CAMKMT: variants seen among roughly 807,000 people sequenced by gnomAD.
The protein encoded by CAMKMT is CaM KMT.
CAMKMT carries 53 observed loss-of-function variants against 48.0 expected under a neutral mutation model. The observed-to-expected ratio is 1.10, with a 90% CI of 0.89 to 1.39. CAMKMT has a LOEUF of 1.39. CAMKMT is among the 40% of genes most tolerant of loss of function. The pLI is 0.00. For synonymous variants in CAMKMT, 165 were observed against 152.3 expected (o/e 1.08, Z -0.61); for missense variants, 428 against 402.7 (o/e 1.06, Z -0.54).
chr2:44,424,583 T>A (rs1224849799), intron 3 of CAMKMT, among the ~76,000 whole-genome samples: 7 of 152,182 alleles, frequency 4.6e-5, no homozygotes, highest in Non-Finnish European at 1.0e-4. Flanking sequence ...GGAATACTTC[T>A]CAGCCATAAA....
chr2:44,373,478 T>C (rs1452217372), intron 2 of CAMKMT, among the ~76,000 whole-genome samples: 1 of 152,226 alleles, frequency 6.6e-6, no homozygotes, highest in Non-Finnish European at 1.5e-5. Context: ...CTCACAGTTA[T>C]GTTCTAGCAT....
At chr2:44,471,375 A>T (rs754768540) in intron 3 of CAMKMT, among the ~76,000 whole-genome samples, 1 of 152,090 alleles carries the variant, frequency 6.6e-6, no homozygotes, top group African/African-American at 2.4e-5. Context: ...GGCACAGTGG[A>T]TCACTTGAGT....
chr2:44,647,980 A>G (rs1336726272), intron 3 of CAMKMT, among the ~76,000 whole-genome samples: 2 of 151,652 alleles, frequency 1.3e-5, no homozygotes, highest in Admixed American at 6.6e-5. Context: ...TCACTACACC[A>G]TTATCTGTAT....
chr2:44,649,921 C>T (rs1364377598), intron 3 of CAMKMT, among the ~76,000 whole-genome samples: 1 of 152,162 alleles, frequency 6.6e-6, no homozygotes, highest in Non-Finnish European at 1.5e-5. Flanking sequence ...TGGTGTCACG[C>T]AGCCACCATA....
intron 3 of CAMKMT, among the ~76,000 whole-genome samples, chr2:44,655,324 T>C (rs1443204144): frequency 2.0e-5 from 3 of 152,224 alleles, no homozygotes; most frequent in Admixed American, 6.5e-5. Context: ...TAAATGCTGG[T>C]ATTCTTCTAG....
At chr2:44,409,183 GTA>G (rs1257934167) in intron 3 of CAMKMT, among the ~76,000 whole-genome samples, 1 of 12,998 alleles carries the variant, frequency 7.7e-5, no homozygotes, top group Non-Finnish European at 1.6e-4. Context: ...ATATATATAT[GTA>G]TATTGCTACA....
intron 3 of CAMKMT, among the ~76,000 whole-genome samples, chr2:44,593,535 A>G (rs1243942487): frequency 6.6e-6 from 1 of 152,020 alleles, no homozygotes; most frequent in Non-Finnish European, 1.5e-5. Context: ...ACAGCCCGGA[A>G]TCTCTCTTAA....
chr2:44,496,206 T>G (rs1669745288), intron 3 of CAMKMT, among the ~76,000 whole-genome samples: 3 of 152,256 alleles, frequency 2.0e-5, no homozygotes, highest in African/African-American at 7.2e-5. Flanking sequence ...ATTATTGTAC[T>G]TTTCCTCTGG....
chr2:44,439,942 C>G (rs1317867089), intron 3 of CAMKMT, among the ~76,000 whole-genome samples: 1 of 151,774 alleles, frequency 6.6e-6, no homozygotes, highest in African/African-American at 2.4e-5. Context: ...GAATGAAACC[C>G]CTGAAGATAA....
chr2:44,649,861 G>A (rs1457826330), intron 3 of CAMKMT, among the ~76,000 whole-genome samples: 1 of 152,076 alleles, frequency 6.6e-6, no homozygotes, highest in African/African-American at 2.4e-5. Context: ...ATTTTATCAG[G>A]AAGGAAAGTC....
chr2:44,459,306 G>T (rs943039710), intron 3 of CAMKMT, among the ~76,000 whole-genome samples: 5 of 152,028 alleles, frequency 3.3e-5, no homozygotes, highest in Non-Finnish European at 7.4e-5. Context: ...TACCTCAAAT[G>T]CCTGATTATA....
intron 9 of CAMKMT, among the ~76,000 whole-genome samples, chr2:44,760,046 A>T (rs1475149617): frequency 2.0e-5 from 3 of 152,130 alleles, no homozygotes; most frequent in African/African-American, 7.2e-5. Context: ...GCGCTGAGGA[A>T]TGTGGGCTAG....
chr2:44,572,209 TAAAAAATTTAATTCTTTTGTAGAGAC>T (rs1668944162), intron 3 of CAMKMT, among the ~76,000 whole-genome samples: 1 of 152,170 alleles, frequency 6.6e-6, no homozygotes, highest in Non-Finnish European at 1.5e-5. Context: ...ATTTCTTTTT[TAAAAAATTTAATTCTTTTGTAGAGAC>T]AGGTTCTCCC....
intron 9 of CAMKMT, 98 bp from the exon 10 acceptor site, chr2:44,766,332 C>A: frequency 7.5e-7 from 1 of 1,332,524 alleles, no homozygotes; most frequent in Non-Finnish European, 1.1e-6. Flanking sequence ...TTGAGTTTTT[C>A]TACTTGAGAG....
At chr2:44,764,141 G>A (rs565837001) in intron 9 of CAMKMT, among the ~76,000 whole-genome samples, 1 of 151,984 alleles carries the variant, frequency 6.6e-6, no homozygotes, top group East Asian at 1.9e-4. Flanking sequence ...CCTGAAAATA[G>A]CAATTAATAT....
intron 3 of CAMKMT, among the ~76,000 whole-genome samples, chr2:44,416,826 C>T (rs1683589662): frequency 6.6e-6 from 1 of 152,062 alleles, no homozygotes; most frequent in Admixed American, 6.5e-5. Flanking sequence ...CCACCCGCCT[C>T]AGCCTCCCAA....
intron 2 of CAMKMT, among the ~76,000 whole-genome samples, chr2:44,374,121 A>G: frequency 7.2e-6 from 1 of 139,220 alleles, no homozygotes; most frequent in Admixed American, 6.9e-5. Flanking sequence ...CTGCCTCAAA[A>G]AAAAAAAAAA....
intron 3 of CAMKMT, among the ~76,000 whole-genome samples, chr2:44,439,692 G>A (rs999554561): frequency 2.0e-5 from 3 of 151,976 alleles, no homozygotes; most frequent in African/African-American, 7.3e-5. Context: ...CAAAAAATCA[G>A]CCGGGCGTCG....
At chr2:44,745,514 A>G (rs151272196) in intron 8 of CAMKMT, among the ~76,000 whole-genome samples, 1 of 152,350 alleles carries the variant, frequency 6.6e-6, no homozygotes, top group Non-Finnish European at 1.5e-5. Context: ...TTACACACAC[A>G]TAACATAATA....
Sources: gnomAD v4.1 joint callset for allele counts (sites outside exome capture counted in the v4.1 genomes callset) on GRCh38, gnomAD v4.1.1 for gene constraint, MANE v1.5 for transcripts, NCBI Gene and HGNC (gene_info 2026-07-23, HGNC 2026-07-21) for gene names.